Variants in ABLIM1 observed in about 807,000 individuals in gnomAD.
The protein encoded by ABLIM1 is actin-binding LIM protein 1.
In ABLIM1, 40 loss-of-function variants were observed where a neutral mutation model predicts 107.0. The ratio of observed to expected loss-of-function variants is 0.37; its 90% CI spans 0.29 to 0.49. The LOEUF (loss-of-function observed/expected upper bound fraction) is 0.49, where lower values mean the gene tolerates loss of function less well. Among genes scored for constraint, ABLIM1 ranks in the 20% least tolerant of loss-of-function variants. The pLI, the probability that ABLIM1 is intolerant of heterozygous loss-of-function variation, is 0.97. For missense variants in ABLIM1, 857 were observed against 1,008.5 expected (o/e 0.85, Z 2.04); for synonymous variants, 357 against 357.3 (o/e 1.00, Z 0.01).
intron 1 of ABLIM1, among the ~76,000 whole-genome samples, chr10:114,748,501 G>A (rs2082433175): frequency 6.6e-6 from 1 of 151,496 alleles, no homozygotes; most frequent in South Asian, 2.1e-4. Context: ...CTTATCTGCT[G>A]TGTGTGCCTG....
intron 6 of ABLIM1, among the ~76,000 whole-genome samples, chr10:114,532,175 A>G (rs2065518827): frequency 6.6e-6 from 1 of 152,130 alleles, no homozygotes; most frequent in Non-Finnish European, 1.5e-5. Flanking sequence ...TCCAGGCCAC[A>G]TCAAGCTCCA....
In ABLIM1 at chr10:114,698,112, T is replaced by C. The variant is rs550219554; in HGVS notation, c.-213+69949A>G. 5.9e-4 allele frequency among the ~76,000 whole-genome samples: 89 copies of C among 151,800 alleles called. 2 individuals are homozygous for C. The South Asian group carries it at 0.018, about 30-fold the overall frequency. ...ATTTAAGGAAAACAAAAGCACAAAA[T>C]TGGACCAAGATGAATACACAAACAC... On this transcript the variant is annotated intron_variant, in intron 1 of 15. Coordinates refer to the ABLIM1 transcript ENST00000651092.
chr10:114,672,507 T>C (rs1477189150), intron 1 of ABLIM1, among the ~76,000 whole-genome samples: 1 of 152,222 alleles, frequency 6.6e-6, no homozygotes, highest in Non-Finnish European at 1.5e-5. Context: ...TGGCCAGTTC[T>C]TTTTATATAT....
intron 1 of ABLIM1, among the ~76,000 whole-genome samples, chr10:114,634,578 C>A (rs543128351): frequency 6.6e-6 from 1 of 152,282 alleles, no homozygotes; most frequent in South Asian, 2.1e-4. Context: ...GGCTCTCTGG[C>A]AGCTTTGGAG....
At chr10:114,438,400 T>C (rs1314734573) in intron 21 of ABLIM1, among the ~76,000 whole-genome samples, 1 of 152,136 alleles carries the variant, frequency 6.6e-6, no homozygotes, top group East Asian at 1.9e-4. Flanking sequence ...GCTGGGACTA[T>C]AGGCACATGT....
At chr10:114,496,601 T>C (rs1052397259) in intron 6 of ABLIM1, among the ~76,000 whole-genome samples, 21 of 152,166 alleles carry the variant, frequency 1.4e-4, no homozygotes, top group Non-Finnish European at 2.9e-4. Context: ...CCATGGCACA[T>C]GCTTACCTAT....
chr10:114,482,015 C>G (rs2057449547), intron 8 of ABLIM1, among the ~76,000 whole-genome samples: 1 of 152,166 alleles, frequency 6.6e-6, no homozygotes, highest in South Asian at 2.1e-4. Context: ...AAGTCACACC[C>G]ATTTTGTAGG....
Position 114,751,567 on chromosome 10 carries a change from T to C in ABLIM1, c.-213+16494A>G, listed in dbSNP as rs547101820. 9.0e-4 allele frequency among the ~76,000 whole-genome samples: 136 copies of C among 151,878 alleles called. 2 individuals are homozygous for C. Among genetic ancestry groups the C allele is most frequent in the Non-Finnish European group, 2.9e-4 (20 of 67,942 alleles). On this transcript the variant is annotated intron_variant, in intron 1 of 15. Transcript: ENST00000651092. ...GAGATTGAGACCATCCTGGCCAACA[T>C]GGTGAAACCCCGTCTCTACTAAAAA...
chr10:114,552,945 C>A lies in ABLIM1; in HGVS notation c.674-5169G>T, dbSNP rs192996699. Among the ~76,000 whole-genome samples, 3 of 152,216 alleles carry A rather than the reference C, an allele frequency of 2.0e-5. No individual in the cohort carries two copies. In the East Asian group the frequency reaches 5.8e-4, roughly 29 times the overall value. ...ACAAGCACTTCAGTGCTCAGACATC[C>A]CAGAGCTATGAAAGAAGCAAAGACA... is the stretch of plus-strand genomic sequence containing the variant. On this transcript the variant is annotated intron_variant, in intron 4 of 22. Transcript: ENST00000533213.
intron 12 of ABLIM1, among the ~76,000 whole-genome samples, chr10:114,456,461 T>A (rs1282988661): frequency 6.6e-6 from 1 of 152,206 alleles, no homozygotes; most frequent in Non-Finnish European, 1.5e-5. Flanking sequence ...AAAGAAGGTA[T>A]AATGGGTCTC....
In ABLIM1 at chr10:114,676,617, C is replaced by A. The variant is rs552569008; in HGVS notation, c.64+7673G>T. Among the ~76,000 whole-genome samples the A allele has an allele frequency of 6.8e-4, 104 of 152,254 alleles. 1 individual carries two copies. Among genetic ancestry groups the A allele is most frequent in the African/African-American group, 2.3e-3 (97 of 41,548 alleles). The stretch of plus-strand genomic sequence containing the variant: ...TCGGGGGATTTCAGATTATTGTGTT[C>A]TCAAAACCCCTCAAGAATTCCTTTA... On this transcript the variant is annotated intron_variant, in intron 1 of 23. Transcript: ENST00000369256.
rs1199376829 is a variant in ABLIM1, at chr10:114,441,704, A to C, written c.1998+18T>G. 6.2e-7 allele frequency: 1 copy of C among 1,608,596 alleles called. No homozygotes were observed. Among genetic ancestry groups the C allele is most frequent in the Admixed American group, 1.7e-5 (1 of 60,008 alleles). On this transcript the variant is annotated intron_variant, in intron 18 of 22. Transcript: ENST00000533213. ...GTGGGAGTAAAGGCAGAAACAATGAATCGGGGAGAAATCTTACCCGGTGAA... is the reference window on the plus strand; with the variant it reads ...GTGGGAGTAAAGGCAGAAACAATGACTCGGGGAGAAATCTTACCCGGTGAA...
intron 1 of ABLIM1, among the ~76,000 whole-genome samples, chr10:114,761,550 C>T (rs2082746830): frequency 6.6e-6 from 1 of 152,056 alleles, no homozygotes; most frequent in Non-Finnish European, 1.5e-5. Flanking sequence ...CAGAGCCCTC[C>T]TCTCCCTTCT....
chr10:114,471,739 C>A (rs1480984092), intron 10 of ABLIM1, among the ~76,000 whole-genome samples: 1 of 151,940 alleles, frequency 6.6e-6, no homozygotes, highest in African/African-American at 2.4e-5. Flanking sequence ...AACAATTAAA[C>A]AGAATCACAT....
rs184048651 is a variant in ABLIM1 at position 114,522,119 on chromosome 10, G to A, written c.894+22886C>T. 2.0e-4 allele frequency among the ~76,000 whole-genome samples: 31 copies of A among 152,338 alleles called. No individual in the cohort carries two copies. In the East Asian group the frequency reaches 4.8e-3, roughly 24 times the overall value. ...GAAAGAAGGCTAGCAGGGCTGGAAT[G>A]AAAGAGGAGGGAAGATGTAGGTAAT... On this transcript the variant is annotated intron_variant, in intron 6 of 22. Transcript: ENST00000533213.
intron 1 of ABLIM1, among the ~76,000 whole-genome samples, chr10:114,754,606 G>A (rs923606569): frequency 6.6e-6 from 1 of 152,196 alleles, no homozygotes; most frequent in African/African-American, 2.4e-5. Flanking sequence ...CAGGGGGAAA[G>A]GTTGCCTCCA....
intron 1 of ABLIM1, among the ~76,000 whole-genome samples, chr10:114,618,926 T>A (rs187857258): frequency 6.6e-6 from 1 of 152,274 alleles, no homozygotes; most frequent in East Asian, 1.9e-4. Context: ...GTCTCCATCA[T>A]ATCAACTCTC....
At chr10:114,695,907 C>A (rs575599898) in intron 1 of ABLIM1, among the ~76,000 whole-genome samples, 5 of 152,160 alleles carry the variant, frequency 3.3e-5, no homozygotes, top group Non-Finnish European at 5.9e-5. Flanking sequence ...ACTCTTATTG[C>A]CATCGCCCCA....
At chr10:114,649,402 A>G (rs1000090342) in intron 1 of ABLIM1, among the ~76,000 whole-genome samples, 10 of 4,812 alleles carry the variant, frequency 2.1e-3, no homozygotes, top group Non-Finnish European at 4.6e-3. Flanking sequence ...ACTCTGTCAA[A>G]ATAAATAAAT....
Sources: gnomAD v4.1 joint callset for allele counts (sites outside exome capture counted in the v4.1 genomes callset) on GRCh38, gnomAD v4.1.1 for gene constraint, MANE v1.5 for transcripts, NCBI Gene and HGNC (gene_info 2026-07-23, HGNC 2026-07-21) for gene names.